Variants in SAMD12 observed in about 807,000 individuals in gnomAD.
SAMD12 encodes the protein sterile alpha motif domain-containing protein 12.
A neutral mutation model predicts 15.0 loss-of-function variants in SAMD12; 9 were observed. The ratio of observed to expected loss-of-function variants is 0.60; its 90% CI spans 0.36 to 1.05. The LOEUF is 1.05. Ranked by LOEUF, SAMD12 falls within the 50% of genes least tolerant of loss-of-function variation. SAMD12 has a pLI of 0.01. For missense variants in SAMD12, 230 were observed against 234.2 expected (o/e 0.98, Z 0.12); for synonymous variants, 86 against 90.1 (o/e 0.96, Z 0.25).
chr8:118,252,253 T>A (rs992221714), intron 4 of SAMD12, among the ~76,000 whole-genome samples: 2 of 152,214 alleles, frequency 1.3e-5, no homozygotes, highest in Non-Finnish European at 2.9e-5. Context: ...GCAGAGGGTC[T>A]GGGCCAGAGT....
intron 4 of SAMD12, among the ~76,000 whole-genome samples, chr8:118,221,850 A>T (rs570907252): frequency 6.6e-6 from 1 of 152,360 alleles, no homozygotes; most frequent in African/African-American, 2.4e-5. Context: ...TTATTTGATT[A>T]ATACTTAATT....
chr8:118,198,111 G>C (rs1198453246), intron 4 of SAMD12, among the ~76,000 whole-genome samples: 1 of 152,200 alleles, frequency 6.6e-6, no homozygotes, highest in Admixed American at 6.5e-5. Flanking sequence ...TGGGGATGGT[G>C]TGAAGCATTT....
the SAMD12 span, among the ~76,000 whole-genome samples, chr8:118,173,711 C>A: frequency 1.3e-4 from 19 of 150,390 alleles, no homozygotes; most frequent in Non-Finnish European, 2.2e-4. Flanking sequence ...CTCACTGCCA[C>A]CTCTGCCTCC....
At chr8:118,619,244 G>A (rs1198242772) in intron 1 of SAMD12, among the ~76,000 whole-genome samples, 4 of 152,024 alleles carry the variant, frequency 2.6e-5, no homozygotes, top group African/African-American at 7.2e-5. Flanking sequence ...AGGGCACTTC[G>A]AGGTGGGCAG....
At chr8:118,572,120 C>G (rs903982442) in intron 2 of SAMD12, among the ~76,000 whole-genome samples, 6 of 152,210 alleles carry the variant, frequency 3.9e-5, no homozygotes, top group Non-Finnish European at 2.9e-5. Context: ...GATATGGAGT[C>G]AAAGGAGATC....
At chr8:118,576,395 A>G (rs1827154183) in intron 2 of SAMD12, among the ~76,000 whole-genome samples, 1 of 152,172 alleles carries the variant, frequency 6.6e-6, no homozygotes, top group South Asian at 2.1e-4. Context: ...GCCCCAGCCT[A>G]TTGTTCCAGA....
rs568574417 is a variant in SAMD12 at position 118,210,626 on chromosome 8, A to C, written c.434-12894T>G. Among the ~76,000 whole-genome samples, 11 of 152,312 alleles carry C rather than the reference A, an allele frequency of 7.2e-5. No homozygotes were observed. In the Middle Eastern group the frequency reaches 0.017, roughly 235 times the overall value. ...AGAAAACAACTTGACCTAATATTCC[A>C]GGCCATTCATGATGGCAACCTCAAC... On this transcript the variant is annotated intron_variant, in intron 4 of 4. Coordinates refer to the SAMD12 transcript ENST00000409003.
intron 3 of SAMD12, among the ~76,000 whole-genome samples, chr8:118,428,254 A>T (rs1433052878): frequency 3.9e-5 from 6 of 152,018 alleles, no homozygotes; most frequent in African/African-American, 1.4e-4. Flanking sequence ...AAAGCAGACG[A>T]CTTTTAATTT....
chr8:118,518,870 C>G (rs1407190546), intron 2 of SAMD12, among the ~76,000 whole-genome samples: 3 of 152,188 alleles, frequency 2.0e-5, no homozygotes, highest in Non-Finnish European at 4.4e-5. Flanking sequence ...TCCCCAGCGT[C>G]AGGCACCAGG....
intron 4 of SAMD12, among the ~76,000 whole-genome samples, chr8:118,255,489 T>A (rs1471234990): frequency 1.4e-5 from 2 of 143,502 alleles, no homozygotes; most frequent in Admixed American, 6.9e-5. Flanking sequence ...TATCTCCTAA[T>A]GCTATCCCTC....
rs1212259009 is a variant in SAMD12 at position 118,553,555 on chromosome 8, A to G, written c.192+27160T>C. Among the ~76,000 whole-genome samples the G allele has an allele frequency of 4.8e-3, 722 of 151,022 alleles. 2 individuals carry two copies. The highest frequency in any genetic ancestry group is 0.016 in the African/African-American group (648 of 40,840). Reference sequence around the variant, plus strand: ...TTCAAGATGGATTAAAGACTTAAACATTAGACCTAAAACCATAAAAACCCT... The same window carrying G: ...TTCAAGATGGATTAAAGACTTAAACGTTAGACCTAAAACCATAAAAACCCT... On this transcript the variant is annotated intron_variant, in intron 2 of 3. Coordinates refer to ENST00000314727, the MANE Select transcript of SAMD12 (RefSeq NM_207506.3).
At chr8:118,273,203 A>G (rs533881546) in intron 4 of SAMD12, among the ~76,000 whole-genome samples, 2 of 152,338 alleles carry the variant, frequency 1.3e-5, no homozygotes, top group South Asian at 4.1e-4. Context: ...AAAGGGGAAG[A>G]AAACATGTCC....
chr8:118,318,310 G>GTGTATATATA (rs1322305346), intron 4 of SAMD12, among the ~76,000 whole-genome samples: 2 of 113,336 alleles, frequency 1.8e-5, no homozygotes, highest in African/African-American at 6.5e-5. Context: ...AGATATATGT[G>GTGTATATATA]TATATATATA....
chr8:118,379,758 G>A, intron 3 of SAMD12, 58 bp from the exon 4 acceptor site: 1 of 1,573,632 alleles, frequency 6.4e-7, no homozygotes, highest in South Asian at 1.2e-5. Context: ...GAAGAAAGAT[G>A]TCCATTTTGG....
rs993063539 is a variant in SAMD12, at chr8:118,424,247, A to G, written c.322+15585T>C. ...TATATAATTCTTTACATACAAATGTATATCTGTAACACATATATGTTTATA... is the reference window on the plus strand; with the variant it reads ...TATATAATTCTTTACATACAAATGTGTATCTGTAACACATATATGTTTATA... On this transcript the variant is annotated intron_variant, in intron 3 of 3. Coordinates refer to ENST00000314727, the MANE Select transcript of SAMD12 (RefSeq NM_207506.3). 3.6e-4 allele frequency among the ~76,000 whole-genome samples: 55 copies of G among 152,234 alleles called. 1 individual carries two copies. The highest frequency in any genetic ancestry group is 1.3e-3 in the African/African-American group (52 of 41,454).
intron 3 of SAMD12, among the ~76,000 whole-genome samples, chr8:118,429,741 A>G (rs1037363981): frequency 2.6e-5 from 4 of 152,146 alleles, no homozygotes; most frequent in Admixed American, 2.6e-4. Context: ...TAAAAATACA[A>G]AAATTAACTG....
At chr8:118,581,682 T>A (rs1204037210) in intron 1 of SAMD12, among the ~76,000 whole-genome samples, 1 of 152,222 alleles carries the variant, frequency 6.6e-6, no homozygotes, top group African/African-American at 2.4e-5. Flanking sequence ...CCCCCCTATG[T>A]ACCCTGTATT....
At chr8:118,487,229 T>C (rs1159630385) in intron 2 of SAMD12, among the ~76,000 whole-genome samples, 1 of 152,186 alleles carries the variant, frequency 6.6e-6, no homozygotes, top group Non-Finnish European at 1.5e-5. Flanking sequence ...AGGTTTTTGT[T>C]GTTTTCCAGC....
At chr8:118,178,761 C>T in the SAMD12 span, among the ~76,000 whole-genome samples, 7 of 152,296 alleles carry the variant, frequency 4.6e-5, no homozygotes, top group South Asian at 8.3e-4. Flanking sequence ...CCACCGCCCC[C>T]GGCCACACAT....
Sources: allele counts gnomAD v4.1 joint callset (sites outside exome capture counted in the v4.1 genomes callset), GRCh38; gene constraint gnomAD v4.1.1; transcripts MANE v1.5; gene names NCBI Gene and HGNC (gene_info 2026-07-23, HGNC 2026-07-21).